Variants in ME1 observed in about 807,000 individuals in gnomAD.
The protein encoded by ME1 is malic enzyme 1.
ME1 carries 74 observed loss-of-function variants against 66.4 expected under a neutral mutation model. The ratio of observed to expected loss-of-function variants is 1.11; its 90% CI spans 0.92 to 1.35. The LOEUF is 1.35. ME1 is among the 40% of genes most tolerant of loss of function. ME1 has a pLI of 0.00. For missense variants in ME1, 750 were observed against 694.1 expected, an observed-to-expected ratio of 1.08 and a Z score of -0.90; for synonymous variants, 251 against 235.6, an observed-to-expected ratio of 1.07 and a Z score of -0.60.
At chr6:83,389,006 C>T (rs1450560519) in intron 3 of ME1, among the ~76,000 whole-genome samples, 1 of 152,078 alleles carries the variant, frequency 6.6e-6, no homozygotes, top group African/African-American at 2.4e-5. Flanking sequence ...GTAATCCTAG[C>T]TACTTGGGAG....
At chr6:83,372,705 A>G (rs796348835) in intron 3 of ME1, among the ~76,000 whole-genome samples, 6 of 152,346 alleles carry the variant, frequency 3.9e-5, no homozygotes, top group East Asian at 1.9e-4. Flanking sequence ...TGTTACAGGT[A>G]AACTCTAACA....
intron 5 of ME1, among the ~76,000 whole-genome samples, chr6:83,318,137 A>G (rs1331831704): frequency 1.3e-5 from 2 of 150,532 alleles, no homozygotes; most frequent in African/African-American, 4.9e-5. Context: ...CTTACACCTT[A>G]TACAAAAATC....
At chr6:83,293,411 C>T (rs1448351089) in intron 6 of ME1, among the ~76,000 whole-genome samples, 2 of 152,190 alleles carry the variant, frequency 1.3e-5, no homozygotes, top group Non-Finnish European at 2.9e-5. Context: ...ATTCTCCCTC[C>T]TCTCTTCCCC....
chr6:83,314,159 C>A (rs1363918995), intron 6 of ME1, among the ~76,000 whole-genome samples: 1 of 151,934 alleles, frequency 6.6e-6, no homozygotes, highest in Non-Finnish European at 1.5e-5. Context: ...GAATATATTA[C>A]TAAATTATGG....
chr6:83,243,777 T>C (rs2128526605), intron 7 of ME1, among the ~76,000 whole-genome samples: 1 of 135,026 alleles, frequency 7.4e-6, no homozygotes, highest in South Asian at 2.1e-4. Context: ...ATATTATATT[T>C]ATATATAATT....
chr6:83,285,228 T>A (rs1157156859), intron 6 of ME1, among the ~76,000 whole-genome samples: 3 of 152,172 alleles, frequency 2.0e-5, no homozygotes, highest in Admixed American at 1.3e-4. Context: ...CAAAATGGAT[T>A]GGTTTTTCTC....
At position 83,210,582 on chromosome 6, in the gene ME1, G is replaced by A. The variant is rs1789855385; in HGVS notation, c.*1342C>T. On this transcript the variant is annotated 3_prime_UTR_variant, in exon 14 of 14. Coordinates refer to ENST00000369705, the MANE Select transcript of ME1 (RefSeq NM_002395.6). ...AACTCTTGACTATATGTTACCTTTA[G>A]AAATACCTTAACCTCTTCTGCTCAT... 1 of 152,360 alleles carries A rather than the reference G, an allele frequency of 6.6e-6. No homozygotes were observed. The highest frequency in any genetic ancestry group is 2.4e-5 in the African/African-American group (1 of 41,434). The allele number at this position is 152,360 out of a possible 1,614,324, so 9.4% of individuals were successfully genotyped here. A position where few individuals can be genotyped will look rare whatever the true frequency, so the allele number is the denominator to read the frequency against.
At chr6:83,364,889 G>C (rs1355300488) in intron 3 of ME1, among the ~76,000 whole-genome samples, 1 of 152,070 alleles carries the variant, frequency 6.6e-6, no homozygotes, top group Non-Finnish European at 1.5e-5. Context: ...CAGTCCTCCT[G>C]AATGAAACCA....
intron 3 of ME1, among the ~76,000 whole-genome samples, chr6:83,363,719 C>A (rs1000577425): frequency 1.3e-5 from 2 of 151,926 alleles, no homozygotes; most frequent in African/African-American, 4.9e-5. Context: ...TTTCCTCCTT[C>A]TTTTGTTAAA....
rs372838738 is a variant in ME1 at position 83,315,426 on chromosome 6, G to T, written c.601-13C>A. 8 of 1,459,658 alleles carry T rather than the reference G, an allele frequency of 5.5e-6. No individual in the cohort carries two copies. In the African/African-American group the frequency reaches 1.1e-4, roughly 21 times the overall value. The allele number at this position is 1,459,658 out of a possible 1,614,324, so 90.4% of individuals were successfully genotyped here. ...CTTTAAGTAACTCCTATTAAAAAAA[G>T]TTACCATAAAAATAGAAATAACTAT... On this transcript the variant is annotated splice_polypyrimidine_tract_variant and intron_variant, in intron 5 of 13. Transcript: ENST00000369705.
intron 6 of ME1, among the ~76,000 whole-genome samples, chr6:83,269,651 C>A (rs1767051564): frequency 6.6e-6 from 1 of 152,054 alleles, no homozygotes; most frequent in South Asian, 2.1e-4. Context: ...TAATTACAGG[C>A]CTAAATGAAT....
chr6:83,291,346 C>A (rs1251581311), intron 6 of ME1, among the ~76,000 whole-genome samples: 1 of 152,180 alleles, frequency 6.6e-6, no homozygotes, highest in East Asian at 1.9e-4. Flanking sequence ...ATTTGCTTGT[C>A]TGTAAAGCAT....
chr6:83,413,937 T>C (rs1770101892), intron 1 of ME1, among the ~76,000 whole-genome samples: 1 of 151,852 alleles, frequency 6.6e-6, no homozygotes, highest in Non-Finnish European at 1.5e-5. Flanking sequence ...AGGGAGATAC[T>C]ACCTCCACAA....
chr6:83,226,560 T>A (rs576312949), intron 11 of ME1, among the ~76,000 whole-genome samples: 10 of 152,000 alleles, frequency 6.6e-5, no homozygotes, highest in Admixed American at 2.0e-4. Flanking sequence ...AACAATGGAG[T>A]GGCTCCTTGC....
At chr6:83,362,667 T>A (rs552667538) in intron 3 of ME1, among the ~76,000 whole-genome samples, 1 of 152,326 alleles carries the variant, frequency 6.6e-6, no homozygotes, top group Non-Finnish European at 1.5e-5. Context: ...AGTGGCAGGT[T>A]GATTATATTG....
intron 4 of ME1, among the ~76,000 whole-genome samples, chr6:83,346,689 G>A (rs1397910773): frequency 6.6e-6 from 1 of 152,184 alleles, no homozygotes; most frequent in East Asian, 1.9e-4. Flanking sequence ...GAGCAAGAGT[G>A]TCCTTAGTAA....
chr6:83,405,230 T>G (rs1769916979), intron 2 of ME1, among the ~76,000 whole-genome samples: 1 of 152,206 alleles, frequency 6.6e-6, no homozygotes, highest in Non-Finnish European at 1.5e-5. Context: ...ACATCCCTTG[T>G]TAGTTGTATT....
At chr6:83,421,927 TTC>T (rs778069416) in intron 1 of ME1, among the ~76,000 whole-genome samples, 1 of 152,114 alleles carries the variant, frequency 6.6e-6, no homozygotes, top group Non-Finnish European at 1.5e-5. Context: ...TGTTGCAACT[TTC>T]TCTCTGTCTT....
At chr6:83,311,185 T>C (rs1767924570) in intron 6 of ME1, among the ~76,000 whole-genome samples, 1 of 152,244 alleles carries the variant, frequency 6.6e-6, no homozygotes, top group African/African-American at 2.4e-5. Flanking sequence ...CAATATAACC[T>C]ATCTGGGACA....
Sources: allele counts gnomAD v4.1 joint callset (sites outside exome capture counted in the v4.1 genomes callset), GRCh38; gene constraint gnomAD v4.1.1; transcripts MANE v1.5; gene names NCBI Gene and HGNC (gene_info 2026-07-23, HGNC 2026-07-21).